FSTL4: variants seen among roughly 807,000 people sequenced by gnomAD.
FSTL4 encodes follistatin-related protein 4.
Under a neutral mutation model 78.2 loss-of-function variants are expected in FSTL4, and 28 were observed. The observed-to-expected ratio is 0.36, with a 90% confidence interval of 0.27 to 0.49. FSTL4 has a LOEUF of 0.49. Ranked by LOEUF, FSTL4 falls within the 20% of genes least tolerant of loss-of-function variation. FSTL4 has a pLI of 0.98. For synonymous variants in FSTL4, 422 were observed against 440.5 expected, an observed-to-expected ratio of 0.96 and a Z score of 0.53; for missense variants, 922 against 1,084.9, an observed-to-expected ratio of 0.85 and a Z score of 2.11.
chr5:133,408,182 G>A (rs10071043), intron 3 of FSTL4, among the ~76,000 whole-genome samples: 4,629 of 152,278 alleles, frequency 0.03, 218 homozygotes, highest in African/African-American at 0.1. Flanking sequence ...GGATCAGTAA[G>A]TAATCCTTGG....
the FSTL4 span, among the ~76,000 whole-genome samples, chr5:133,748,184 C>T: frequency 1.3e-5 from 2 of 149,156 alleles, no homozygotes; most frequent in Non-Finnish European, 3.0e-5. Flanking sequence ...CAGAACGAGA[C>T]TCCGTCTCAA....
chr5:133,505,851 G>T (rs1561449344), intron 3 of FSTL4, among the ~76,000 whole-genome samples: 1 of 152,142 alleles, frequency 6.6e-6, no homozygotes, highest in Admixed American at 6.5e-5. Flanking sequence ...ATCAACATCT[G>T]GCAGAAACAA....
At chr5:133,323,375 T>C (rs1580616495) in intron 4 of FSTL4, among the ~76,000 whole-genome samples, 1 of 152,352 alleles carries the variant, frequency 6.6e-6, no homozygotes, top group Middle Eastern at 3.4e-3. Context: ...GGGTCTTCTC[T>C]TGGTGAGATG....
chr5:133,702,245 A>G, the FSTL4 span, among the ~76,000 whole-genome samples: 1 of 152,282 alleles, frequency 6.6e-6, no homozygotes, highest in Middle Eastern at 3.4e-3. Context: ...TTCCTCTCAA[A>G]ATCTGTCCAC....
rs1449188445 is a variant in FSTL4 at position 133,470,250 on chromosome 5, AAAAC to A, written c.161-69268_161-69265del. ...ACAGAGCAGTACCACAGATGAGCTGAAAACAAACAGATGAACAAACAATGACAGC... is the reference window on the plus strand; with the variant it reads ...ACAGAGCAGTACCACAGATGAGCTGAAAACAGATGAACAAACAATGACAGC... On this transcript the variant is annotated intron_variant, in intron 3 of 15. Coordinates refer to ENST00000265342, the MANE Select transcript of FSTL4 (RefSeq NM_015082.2). Among the ~76,000 whole-genome samples the A allele has an allele frequency of 2.6e-5, 4 of 152,232 alleles. No individual in the cohort carries two copies. The East Asian group carries it at 7.7e-4, about 29-fold the overall frequency.
chr5:133,279,895 C>T (rs570731322), intron 6 of FSTL4, among the ~76,000 whole-genome samples: 11 of 152,252 alleles, frequency 7.2e-5, no homozygotes, highest in South Asian at 4.1e-4. Context: ...CCTTATGAGA[C>T]GAGGAGAAGA....
intron 4 of FSTL4, among the ~76,000 whole-genome samples, chr5:133,371,520 G>A (rs1755299692): frequency 6.6e-6 from 1 of 152,216 alleles, no homozygotes; most frequent in Non-Finnish European, 1.5e-5. Flanking sequence ...GAGAGCCGCT[G>A]AGTGTCCCTA....
the FSTL4 span, among the ~76,000 whole-genome samples, chr5:133,806,188 C>T: frequency 6.6e-6 from 1 of 152,024 alleles, no homozygotes; most frequent in Non-Finnish European, 1.5e-5. Context: ...TGGTGTCGGA[C>T]GTCTGTGAAA....
At chr5:133,454,338 T>C (rs1410383693) in intron 3 of FSTL4, among the ~76,000 whole-genome samples, 2 of 152,214 alleles carry the variant, frequency 1.3e-5, no homozygotes, top group Non-Finnish European at 2.9e-5. Context: ...CTGAGTAAAG[T>C]TGCAGAGCTT....
At chr5:133,745,053 G>A in the FSTL4 span, among the ~76,000 whole-genome samples, 30 of 152,282 alleles carry the variant, frequency 2.0e-4, no homozygotes, top group East Asian at 1.2e-3. Flanking sequence ...CCTTCTTCCC[G>A]TCTGTGCCAG....
the FSTL4 span, among the ~76,000 whole-genome samples, chr5:133,789,991 T>C: frequency 6.6e-6 from 1 of 152,188 alleles, no homozygotes; most frequent in Non-Finnish European, 1.5e-5. Flanking sequence ...TGCCACAACT[T>C]GGTTCTCCAC....
chr5:133,375,315 A>AG (rs1561691489), intron 4 of FSTL4, among the ~76,000 whole-genome samples: 496 of 33,892 alleles, frequency 0.015, 10 homozygotes, highest in African/African-American at 0.03. Flanking sequence ...TATATATAAA[A>AG]GACTCTAAAG....
chr5:133,668,569 A>AG, the FSTL4 span, among the ~76,000 whole-genome samples: 3 of 152,332 alleles, frequency 2.0e-5, no homozygotes, highest in African/African-American at 7.2e-5. Context: ...ACATGCAGGA[A>AG]GGGCTGCAGG....
At chr5:133,735,273 G>A in the FSTL4 span, among the ~76,000 whole-genome samples, 29,575 of 152,038 alleles carry the variant, frequency 0.19, 3,561 homozygotes, top group African/African-American at 0.33. Flanking sequence ...GACCAGCCTG[G>A]CCAACACGGA....
At chr5:133,589,857 G>C (rs1760587403) in intron 2 of FSTL4, among the ~76,000 whole-genome samples, 1 of 152,096 alleles carries the variant, frequency 6.6e-6, no homozygotes, top group South Asian at 2.1e-4. Context: ...GCAAACCCTG[G>C]CTCCACCACT....
the FSTL4 span, among the ~76,000 whole-genome samples, chr5:133,829,734 C>A: frequency 8.2e-4 from 125 of 152,322 alleles, no homozygotes; most frequent in African/African-American, 2.8e-3. Flanking sequence ...GCCAATTCTT[C>A]TTATGAAGTC....
intron 7 of FSTL4, among the ~76,000 whole-genome samples, chr5:133,235,499 C>CCA (rs1751631240): frequency 1.0e-5 from 1 of 97,552 alleles, no homozygotes; most frequent in Non-Finnish European, 2.2e-5. Flanking sequence ...ACCCCACCTC[C>CCA]AAAAAAAAAA....
intron 13 of FSTL4, among the ~76,000 whole-genome samples, chr5:133,215,718 C>T (rs1561622801): frequency 6.6e-6 from 1 of 152,188 alleles, no homozygotes; most frequent in African/African-American, 2.4e-5. Flanking sequence ...ACCAGCACTC[C>T]TTCTAGAGGT....
chr5:133,817,109 G>A, the FSTL4 span, among the ~76,000 whole-genome samples: 259 of 152,376 alleles, frequency 1.7e-3, 1 homozygote, highest in African/African-American at 5.6e-3. Context: ...ACTCTCATGT[G>A]TTGATGTTCA....
Sources: gnomAD v4.1 joint callset for allele counts (sites outside exome capture counted in the v4.1 genomes callset) on GRCh38, gnomAD v4.1.1 for gene constraint, MANE v1.5 for transcripts, NCBI Gene and HGNC (gene_info 2026-07-23, HGNC 2026-07-21) for gene names.